The following USP37 variants were observed in gnomAD, a reference collection of about 807,000 sequenced individuals.
The protein encoded by USP37 is ubiquitin carboxyl-terminal hydrolase 37.
Under a neutral mutation model 124.0 loss-of-function variants are expected in USP37, and 27 were observed. The observed-to-expected ratio is 0.22, with a 90% CI of 0.16 to 0.30. The LOEUF is 0.30. Ranked by LOEUF, USP37 falls within the 10% of genes least tolerant of loss-of-function variation. The pLI is 1.00. For missense variants in USP37, 889 were observed against 1,140.4 expected (o/e 0.78, Z 3.17); for synonymous variants, 365 against 388.0 (o/e 0.94, Z 0.70).
chr2:218,488,350 G>A lies in USP37; in HGVS notation c.1544C>T (p.Pro515Leu), dbSNP rs1462078522. The change falls in exon 15 of 26, where the codon CCA (proline) becomes CTA (leucine). Residue 515 changes from proline to leucine, a missense_variant. Transcript: ENST00000258399. ...LSIDLPRRKK[P>L]LPPRSIQDSL... The stretch of plus-strand genomic sequence containing the variant: ...ATCTTGAATTGAACGAGGAGGGAGT[G>A]GTTTTTTCCTACGAGGAAGGTCAAT... 3 of 1,612,702 alleles carry A rather than the reference G, an allele frequency of 1.9e-6. No homozygotes were observed. The highest frequency in any genetic ancestry group is 2.7e-5 in the African/African-American group (2 of 74,830).
intron 11 of USP37, among the ~76,000 whole-genome samples, chr2:218,505,814 TAC>T (rs1689648670): frequency 6.6e-6 from 1 of 152,174 alleles, no homozygotes; most frequent in Non-Finnish European, 1.5e-5. Context: ...TCTTTCAATA[TAC>T]AGATTCGAGA....
chr2:218,540,973 A>G (rs1189062551), intron 8 of USP37, among the ~76,000 whole-genome samples: 1 of 152,190 alleles, frequency 6.6e-6, no homozygotes, highest in Non-Finnish European at 1.5e-5. Flanking sequence ...TGCTGGCCTG[A>G]TAAAGTGCTG....
chr2:218,559,443 C>G (rs1693201839), intron 3 of USP37, among the ~76,000 whole-genome samples: 1 of 152,140 alleles, frequency 6.6e-6, no homozygotes, highest in South Asian at 2.1e-4. Flanking sequence ...TCCGTATGTA[C>G]AGAAGACATT....
chr2:218,487,384 T>C (rs1325850666), intron 15 of USP37, among the ~76,000 whole-genome samples: 1 of 152,244 alleles, frequency 6.6e-6, no homozygotes, highest in East Asian at 1.9e-4. Flanking sequence ...TTTTAGAATA[T>C]GTTACTTCAA....
chr2:218,549,818 T>A lies in USP37; in HGVS notation c.420A>T (p.Ser140=). 6.2e-7 allele frequency: 1 copy of A among 1,612,478 alleles called. No individual in the cohort carries two copies. Among genetic ancestry groups the A allele is most frequent in the Non-Finnish European group, 8.5e-7 (1 of 1,179,368 alleles). ...ATTCAAATGAACATACCTGATTGTC[T>A]GAGTAAGAAAGCTGCCTGCTGGTTT... ...QKETSRQLSY[S]DNQASAKRGS... The change falls in exon 6 of 26, where the codon TCA becomes TCT. Residue 140 remains serine, a synonymous_variant. Coordinates refer to ENST00000258399, the MANE Select transcript of USP37 (RefSeq NM_020935.3).
At position 218,474,874 on chromosome 2, in the gene USP37, T is replaced by C; in HGVS notation, c.2055A>G (p.Leu685=). 6.2e-7 allele frequency: 1 copy of C among 1,610,992 alleles called. No individual in the cohort carries two copies. The highest frequency in any genetic ancestry group is 8.5e-7 in the Non-Finnish European group (1 of 1,178,938). Residue 685 remains leucine, a synonymous_variant, in exon 20 of 26, where the codon TTA becomes TTG. Transcript: ENST00000258399. ...QQEDLEKDSK[L]CPIEPDKSEL... Reference sequence around the variant, plus strand: ...CAGACTTGTCAGGCTCTATTGGGCATAATTTTGAATCCTGAAGAAGAGAGT... The same window carrying C: ...CAGACTTGTCAGGCTCTATTGGGCACAATTTTGAATCCTGAAGAAGAGAGT...
At chr2:218,461,511 G>GA (rs141283321) in intron 22 of USP37, among the ~76,000 whole-genome samples, 44,217 of 142,252 alleles carry the variant, frequency 0.31, 7,545 homozygotes, top group Non-Finnish European at 0.4. Flanking sequence ...CATCTCAAAA[G>GA]AAAAAAAAAA....
chr2:218,486,727 A>AT (rs1230905730), intron 15 of USP37, among the ~76,000 whole-genome samples: 2 of 150,776 alleles, frequency 1.3e-5, no homozygotes, highest in Non-Finnish European at 3.0e-5. Context: ...CAGATTTTTT[A>AT]TTTTTTTTAT....
rs746684642 is a variant in USP37, at chr2:218,498,019, T to C, written c.1157+7A>G. On this transcript the variant is annotated splice_region_variant and intron_variant, in intron 12 of 25. Transcript: ENST00000258399. Reference sequence around the variant, plus strand: ...GTTACTCAGTAAGTACAGTACATAATGATTACCTGATAAGTGCATTGAGTG... The same window carrying C: ...GTTACTCAGTAAGTACAGTACATAACGATTACCTGATAAGTGCATTGAGTG... The C allele has an allele frequency of 2.3e-5, 37 of 1,599,770 alleles. No homozygotes were observed. The highest frequency in any genetic ancestry group is 5.3e-5 in the Admixed American group (3 of 56,694).
At chr2:218,497,117 T>C (rs906212370) in intron 13 of USP37, among the ~76,000 whole-genome samples, 1 of 151,582 alleles carries the variant, frequency 6.6e-6, no homozygotes, top group Non-Finnish European at 1.5e-5. Flanking sequence ...GTAGCCCAGG[T>C]TGGAGTGCAA....
At chr2:218,485,551 C>G (rs1691505742) in intron 16 of USP37, 113 bp downstream of exon 16, 8 of 1,195,358 alleles carry the variant, frequency 6.7e-6, no homozygotes, top group Non-Finnish European at 9.1e-6. Flanking sequence ...TGGTAACCTT[C>G]ATTTATTCAG....
rs558116669 is a variant in USP37, at chr2:218,477,075, C to T, written c.1902-94G>A. 1.7e-4 allele frequency: 224 copies of T among 1,293,050 alleles called. No individual in the cohort carries two copies. The African/African-American group carries it at 2.9e-3, about 17-fold the overall frequency. 80.1% of individuals were successfully genotyped at this position (1,293,050 alleles called of 1,614,324 possible). On this transcript the variant is annotated intron_variant, in intron 18 of 25. Transcript: ENST00000258399. Reference sequence around the variant, plus strand: ...ATCAAAACAAATTGCTTTTCCATTACGGAAAATTACTTAACAGAAAAAAAA... The same window carrying T: ...ATCAAAACAAATTGCTTTTCCATTATGGAAAATTACTTAACAGAAAAAAAA...
chr2:218,467,359 T>TATCTATCTATCTATC (rs60648603), intron 20 of USP37, among the ~76,000 whole-genome samples: 2 of 112,874 alleles, frequency 1.8e-5, no homozygotes, highest in African/African-American at 6.1e-5. Context: ...ATCTATCTAT[T>TATCTATCTATCTATC]TTTTTTTGAG....
At chr2:218,505,132 A>G (rs1049036959) in intron 11 of USP37, among the ~76,000 whole-genome samples, 1 of 152,102 alleles carries the variant, frequency 6.6e-6, no homozygotes, top group African/African-American at 2.4e-5. Context: ...CTCCCACCTC[A>G]GCCTCCCAAG....
chr2:218,536,115 A>G (rs1691632893), intron 8 of USP37, among the ~76,000 whole-genome samples: 1 of 152,124 alleles, frequency 6.6e-6, no homozygotes, highest in Non-Finnish European at 1.5e-5. Flanking sequence ...CAGCAACAGC[A>G]TTTTAATTTA....
At chr2:218,482,362 C>A (rs73990496) in intron 16 of USP37, 128 bp from the exon 17 acceptor site, 4 of 988,402 alleles carry the variant, frequency 4.0e-6, no homozygotes, top group Non-Finnish European at 5.6e-6. Flanking sequence ...ACCAAAGACA[C>A]GTCAAAGAAT....
intron 9 of USP37, among the ~76,000 whole-genome samples, chr2:218,532,747 G>A (rs1052965802): frequency 6.6e-6 from 1 of 151,806 alleles, no homozygotes; most frequent in Non-Finnish European, 1.5e-5. Context: ...TGGGCCATAC[G>A]GCAAAACCAT....
At chr2:218,537,846 T>C (rs1691739940) in intron 8 of USP37, among the ~76,000 whole-genome samples, 1 of 152,154 alleles carries the variant, frequency 6.6e-6, no homozygotes, top group African/African-American at 2.4e-5. Flanking sequence ...CCAAAAATTA[T>C]ACCTCATCTG....
intron 4 of USP37, among the ~76,000 whole-genome samples, chr2:218,556,503 G>GTT (rs34907421): frequency 0.045 from 2,426 of 53,770 alleles, 724 homozygotes; most frequent in Middle Eastern, 0.21. Flanking sequence ...GGGTTTTTCT[G>GTT]TTTTTTTTTT....
Sources: gnomAD v4.1 joint callset for allele counts (sites outside exome capture counted in the v4.1 genomes callset) on GRCh38, gnomAD v4.1.1 for gene constraint, MANE v1.5 for transcripts, NCBI Gene and HGNC (gene_info 2026-07-23, HGNC 2026-07-21) for gene names.